Variants in PPP1R9A observed in about 807,000 individuals in gnomAD.
The protein encoded by PPP1R9A is neurabin-1.
A neutral mutation model predicts 141.9 loss-of-function variants in PPP1R9A; 59 were observed. That is an observed-to-expected ratio of 0.42 (90% confidence interval 0.34 to 0.52). The LOEUF is 0.52. Ranked by LOEUF, PPP1R9A falls within the 20% of genes least tolerant of loss-of-function variation. PPP1R9A has a pLI of 0.10. For synonymous variants in PPP1R9A, 500 were observed against 569.7 expected (o/e 0.88, Z 1.74); for missense variants, 1,444 against 1,611.9 (o/e 0.90, Z 1.78).
chr7:95,048,361 T>C (rs1810321410), intron 2 of PPP1R9A, among the ~76,000 whole-genome samples: 1 of 152,106 alleles, frequency 6.6e-6, no homozygotes, highest in African/African-American at 2.4e-5. Flanking sequence ...TCTGAGAAGT[T>C]TGGATATGAA....
chr7:95,159,461 A>G (rs1830117064), intron 4 of PPP1R9A, among the ~76,000 whole-genome samples: 1 of 152,114 alleles, frequency 6.6e-6, no homozygotes, highest in Non-Finnish European at 1.5e-5. Context: ...CATGTGCAGA[A>G]CGTACAGGTT....
At chr7:95,060,311 C>G (rs1050612541) in intron 2 of PPP1R9A, among the ~76,000 whole-genome samples, 1 of 152,152 alleles carries the variant, frequency 6.6e-6, no homozygotes, top group African/African-American at 2.4e-5. Flanking sequence ...ACAGTGGAAG[C>G]TTGAGTCAGC....
intron 5 of PPP1R9A, among the ~76,000 whole-genome samples, chr7:95,162,646 A>G (rs1830616316): frequency 6.6e-6 from 1 of 152,202 alleles, no homozygotes; most frequent in South Asian, 2.1e-4. Context: ...ACTTTTCCAT[A>G]CATCTTGTGT....
chr7:95,186,941 T>A (rs1047670317), intron 5 of PPP1R9A, among the ~76,000 whole-genome samples: 2 of 152,158 alleles, frequency 1.3e-5, no homozygotes, highest in African/African-American at 4.8e-5. Flanking sequence ...TTTGCATCTA[T>A]GTTCATCAGG....
chr7:94,936,652 GT>G (rs879768259), intron 2 of PPP1R9A, among the ~76,000 whole-genome samples: 50,818 of 115,168 alleles, frequency 0.44, 9,149 homozygotes, highest in South Asian at 0.58. Context: ...CTGTGTAGGG[GT>G]GTGTGTGTGT....
intron 4 of PPP1R9A, among the ~76,000 whole-genome samples, chr7:95,158,167 G>A (rs1829922339): frequency 6.6e-6 from 1 of 152,228 alleles, no homozygotes; most frequent in South Asian, 2.1e-4. Flanking sequence ...ACATGATGAT[G>A]CACATTTGAA....
chr7:95,280,798 TGAAAAGGAAA>T (rs1804061554), intron 16 of PPP1R9A, among the ~76,000 whole-genome samples: 1 of 151,298 alleles, frequency 6.6e-6, no homozygotes, highest in African/African-American at 2.4e-5. Context: ...GAAAGGAAGG[TGAAAAGGAAA>T]GAAAAGGAAG....
intron 12 of PPP1R9A, among the ~76,000 whole-genome samples, chr7:95,261,158 G>T (rs1293244073): frequency 6.6e-6 from 1 of 152,160 alleles, no homozygotes; most frequent in African/African-American, 2.4e-5. Context: ...TGTTTTCAAG[G>T]TGGGTCACAG....
At chr7:95,281,087 T>C (rs1804138718) in intron 16 of PPP1R9A, among the ~76,000 whole-genome samples, 1 of 152,200 alleles carries the variant, frequency 6.6e-6, no homozygotes, top group South Asian at 2.1e-4. Flanking sequence ...TTTAAATGAA[T>C]GTTCTCTAGG....
At chr7:95,071,947 TATATC>T (rs1418177491) in intron 2 of PPP1R9A, among the ~76,000 whole-genome samples, 1 of 151,768 alleles carries the variant, frequency 6.6e-6, no homozygotes, top group Non-Finnish European at 1.5e-5. Flanking sequence ...TTGCCTACTT[TATATC>T]ATATTTAAAA....
At chr7:95,109,097 C>T (rs1055826600) in intron 2 of PPP1R9A, among the ~76,000 whole-genome samples, 1 of 152,190 alleles carries the variant, frequency 6.6e-6, no homozygotes, top group African/African-American at 2.4e-5. Context: ...GTACACTCAA[C>T]TATCAATGTT....
intron 8 of PPP1R9A, among the ~76,000 whole-genome samples, chr7:95,231,031 C>G (rs1454180014): frequency 6.6e-6 from 1 of 152,028 alleles, no homozygotes; most frequent in Non-Finnish European, 1.5e-5. Context: ...CACGTAAGGA[C>G]TCACATAAAC....
At chr7:95,053,110 G>T (rs1181529418) in intron 2 of PPP1R9A, among the ~76,000 whole-genome samples, 1 of 152,148 alleles carries the variant, frequency 6.6e-6, no homozygotes, top group Non-Finnish European at 1.5e-5. Flanking sequence ...GCATTGGTGG[G>T]ACGACTTCCC....
chr7:95,256,761 A>G (rs1031113924), intron 12 of PPP1R9A, among the ~76,000 whole-genome samples: 1 of 152,138 alleles, frequency 6.6e-6, no homozygotes, highest in African/African-American at 2.4e-5. Context: ...AGATGTTATA[A>G]GAATTAACAG....
intron 2 of PPP1R9A, among the ~76,000 whole-genome samples, chr7:94,965,447 T>G (rs547339807): frequency 6.6e-6 from 1 of 152,238 alleles, no homozygotes; most frequent in South Asian, 2.1e-4. Flanking sequence ...GTTTTTATGG[T>G]TTTAGGTCTT....
chr7:94,910,693 C>T lies in PPP1R9A; in HGVS notation c.580C>T (p.Arg194Ter). 7 of 1,614,072 alleles carry T rather than the reference C, an allele frequency of 4.3e-6. No homozygotes were observed. Among genetic ancestry groups the T allele is most frequent in the Non-Finnish European group, 5.9e-6 (7 of 1,179,996 alleles). ...TGATTCCTTGGACAGCCTTAGCTCCCGAACTGAGGCTGTCTCCCCAACTGT... is the reference window on the plus strand; with the variant it reads ...TGATTCCTTGGACAGCCTTAGCTCCTGAACTGAGGCTGTCTCCCCAACTGT... ...STDSLDSLSSRTEAVSPTVSQ... is the reference protein window; with the variant it reads ...STDSLDSLSS Residue 194 changes from arginine to a stop codon, truncating the protein, a stop_gained, in exon 2 of 20, where the codon CGA becomes TGA. Transcript: ENST00000433360. LOFTEE classifies it high-confidence loss of function. This position sits in a 1 kb window ranked among gnomAD's most constrained non-coding sequence, Gnocchi z 4.5.
intron 16 of PPP1R9A, among the ~76,000 whole-genome samples, chr7:95,279,873 G>C (rs1041444303): frequency 5.3e-5 from 8 of 152,096 alleles, no homozygotes; most frequent in African/African-American, 1.9e-4. Context: ...TTTAGATTTT[G>C]ATAGTATGGA....
At chr7:95,072,482 C>T (rs1451972136) in intron 2 of PPP1R9A, among the ~76,000 whole-genome samples, 3 of 143,046 alleles carry the variant, frequency 2.1e-5, no homozygotes, top group Admixed American at 1.5e-4. Context: ...TCACTTGATT[C>T]ACATGTATTC....
chr7:95,144,501 A>G (rs1331552367), intron 4 of PPP1R9A, among the ~76,000 whole-genome samples: 7 of 152,216 alleles, frequency 4.6e-5, no homozygotes, highest in Non-Finnish European at 7.4e-5. Flanking sequence ...TCCTTTGGAT[A>G]TATTCCCAGA....
Sources: allele counts gnomAD v4.1 joint callset (sites outside exome capture counted in the v4.1 genomes callset), GRCh38; gene constraint gnomAD v4.1.1; non-coding constraint Gnocchi (gnomAD v3.1); transcripts MANE v1.5; gene names NCBI Gene and HGNC (gene_info 2026-07-23, HGNC 2026-07-21).